Variants in SIL1 observed in about 807,000 individuals in gnomAD.
SIL1 encodes the protein nucleotide exchange factor SIL1.
A neutral mutation model predicts 49.1 loss-of-function variants in SIL1; 40 were observed. The ratio of observed to expected loss-of-function variants is 0.81; its 90% CI spans 0.63 to 1.06. The LOEUF is 1.06. Ranked by LOEUF, SIL1 falls within the 50% of genes least tolerant of loss-of-function variation. SIL1 has a pLI of 0.00. For synonymous variants in SIL1, 253 were observed against 250.8 expected (o/e 1.01, Z -0.08); for missense variants, 500 against 572.6 (o/e 0.87, Z 1.29).
intron 3 of SIL1, among the ~76,000 whole-genome samples, chr5:139,095,051 A>G (rs1024978521): frequency 5.3e-5 from 8 of 152,184 alleles, no homozygotes; most frequent in African/African-American, 1.9e-4. Context: ...AGGGTGCATC[A>G]TATCCACATG....
intron 1 of SIL1, among the ~76,000 whole-genome samples, chr5:139,181,211 C>T (rs185166903): frequency 6.6e-6 from 1 of 152,282 alleles, no homozygotes; most frequent in Admixed American, 6.5e-5. Flanking sequence ...CTTAATGTTA[C>T]ATCCAACTGC....
At chr5:139,112,437 G>A (rs560659046) in intron 3 of SIL1, among the ~76,000 whole-genome samples, 1 of 151,236 alleles carries the variant, frequency 6.6e-6, no homozygotes, top group Admixed American at 6.6e-5. Context: ...CTGAGATGTA[G>A]GGAGCGCCTC....
intron 3 of SIL1, among the ~76,000 whole-genome samples, chr5:139,081,878 T>TAA (rs781441720): frequency 2.9e-5 from 4 of 137,886 alleles, no homozygotes; most frequent in Non-Finnish European, 4.8e-5. Flanking sequence ...GACTCTGTCT[T>TAA]AAAAAAAAAA....
At chr5:139,051,355 A>C (rs1769280044) in intron 3 of SIL1, among the ~76,000 whole-genome samples, 1 of 152,228 alleles carries the variant, frequency 6.6e-6, no homozygotes, top group African/African-American at 2.4e-5. Context: ...TTCTTGAGCT[A>C]ATAAAAGCTT....
chr5:139,135,029 T>G (rs1279978852), intron 1 of SIL1, among the ~76,000 whole-genome samples: 1 of 151,966 alleles, frequency 6.6e-6, no homozygotes, highest in Non-Finnish European at 1.5e-5. Context: ...AGAAAAGAAA[T>G]GGAATTTTAA....
chr5:139,121,217 C>A (rs1272290818), intron 2 of SIL1, 44 bp from the exon 3 acceptor site: 3 of 1,613,382 alleles, frequency 1.9e-6, no homozygotes, highest in Non-Finnish European at 2.5e-6. Context: ...CAACTAGGCG[C>A]CAGGTAAGCA....
chr5:139,100,217 T>C (rs1352193277), intron 3 of SIL1, among the ~76,000 whole-genome samples: 9 of 152,196 alleles, frequency 5.9e-5, no homozygotes, highest in African/African-American at 2.2e-4. Flanking sequence ...TTCATATCAA[T>C]CCAGCTTTGG....
chr5:139,185,159 C>T (rs1254241661), intron 1 of SIL1, among the ~76,000 whole-genome samples: 3 of 152,112 alleles, frequency 2.0e-5, no homozygotes, highest in African/African-American at 7.2e-5. Context: ...ATCCCGAAGA[C>T]GTGCCTGTTA....
chr5:139,124,892 A>G (rs1750723837), intron 2 of SIL1, among the ~76,000 whole-genome samples: 1 of 152,246 alleles, frequency 6.6e-6, no homozygotes, highest in African/African-American at 2.4e-5. Flanking sequence ...AAAGCAGAGC[A>G]GAGATTGAAG....
At chr5:139,181,926 G>A (rs74541339) in intron 1 of SIL1, among the ~76,000 whole-genome samples, 8 of 152,172 alleles carry the variant, frequency 5.3e-5, no homozygotes, top group East Asian at 3.8e-4. Flanking sequence ...AACAAACCTC[G>A]CCAGGGGACC....
chr5:139,104,485 A>T (rs747857574), intron 3 of SIL1, among the ~76,000 whole-genome samples: 1 of 152,164 alleles, frequency 6.6e-6, no homozygotes, highest in Non-Finnish European at 1.5e-5. Flanking sequence ...ACAAAGTTTA[A>T]CCAAAGTCTT....
intron 1 of SIL1, among the ~76,000 whole-genome samples, chr5:139,172,966 T>C (rs1484830941): frequency 6.6e-6 from 1 of 151,694 alleles, no homozygotes; most frequent in African/African-American, 2.4e-5. Context: ...CAGCCTACCC[T>C]AGAATTCACC....
At chr5:138,959,250 G>T (rs1200029282) in intron 7 of SIL1, among the ~76,000 whole-genome samples, 8 of 152,178 alleles carry the variant, frequency 5.3e-5, no homozygotes, top group Non-Finnish European at 1.2e-4. Flanking sequence ...TGGCTCCGAA[G>T]ACCTGATTTT....
Position 138,948,315 on chromosome 5 carries a change from C to T in SIL1, c.1030-842G>A, listed in dbSNP as rs2150375302. ...GGGACAGGAGAGGCTGAGAGGTATC[C>T]CCTAGTCCTTTCCTACTTCACCCCT... On this transcript the variant is annotated intron_variant, in intron 9 of 9. Transcript: ENST00000394817. This position sits in a 1 kb window ranked among gnomAD's most constrained non-coding sequence, Gnocchi z 4.8. Among the ~76,000 whole-genome samples, 1 of 152,166 alleles carries T rather than the reference C, an allele frequency of 6.6e-6. No individual in the cohort carries two copies. The highest frequency in any genetic ancestry group is 2.4e-5 in the African/African-American group (1 of 41,504).
At chr5:139,057,734 A>G (rs926534284) in intron 3 of SIL1, among the ~76,000 whole-genome samples, 6 of 152,220 alleles carry the variant, frequency 3.9e-5, no homozygotes, top group African/African-American at 7.2e-5. Flanking sequence ...TAGGAATCCT[A>G]TAACAGAGTA....
chr5:139,046,132 G>T (rs879563885), intron 4 of SIL1, among the ~76,000 whole-genome samples: 3 of 152,186 alleles, frequency 2.0e-5, no homozygotes, highest in Admixed American at 6.5e-5. Context: ...TTCAAGACCA[G>T]CCTGGCCAAC....
At chr5:139,089,132 A>G (rs1200886471) in intron 3 of SIL1, among the ~76,000 whole-genome samples, 1 of 152,252 alleles carries the variant, frequency 6.6e-6, no homozygotes, top group East Asian at 1.9e-4. Flanking sequence ...AGGAGGCAGA[A>G]ATAGTAAATA....
chr5:139,095,071 G>A (rs1770425459), intron 3 of SIL1, among the ~76,000 whole-genome samples: 1 of 152,122 alleles, frequency 6.6e-6, no homozygotes, highest in Admixed American at 6.5e-5. Flanking sequence ...GACAACACTG[G>A]TGATATTACC....
At chr5:138,992,708 G>T (rs939146016) in intron 7 of SIL1, among the ~76,000 whole-genome samples, 2 of 151,996 alleles carry the variant, frequency 1.3e-5, no homozygotes, top group African/African-American at 4.8e-5. Flanking sequence ...TGGACTTTGG[G>T]GACTCGGGGA....
Sources: allele counts gnomAD v4.1 joint callset (sites outside exome capture counted in the v4.1 genomes callset), GRCh38; gene constraint gnomAD v4.1.1; non-coding constraint Gnocchi (gnomAD v3.1); transcripts MANE v1.5; gene names NCBI Gene and HGNC (gene_info 2026-07-23, HGNC 2026-07-21).